ADAMTSL1: variants seen among roughly 807,000 people sequenced by gnomAD.
ADAMTSL1 encodes ADAMTS-like protein 1.
ADAMTSL1 carries 126 observed loss-of-function variants against 201.8 expected under a neutral mutation model. That is an observed-to-expected ratio of 0.62 (90% CI 0.54 to 0.72). The LOEUF is 0.72. Among genes scored for constraint, ADAMTSL1 ranks in the 30% least tolerant of loss-of-function variants. ADAMTSL1 has a pLI of 0.00. For synonymous variants in ADAMTSL1, 1,121 were observed against 903.4 expected (o/e 1.24, Z -4.32); for missense variants, 2,679 against 2,277.8 (o/e 1.18, Z -3.59).
At chr9:17,956,735 A>G (rs559742644) in intron 1 of ADAMTSL1, among the ~76,000 whole-genome samples, 6 of 152,284 alleles carry the variant, frequency 3.9e-5, no homozygotes, top group African/African-American at 7.2e-5. Flanking sequence ...AGCCATTTCA[A>G]TGGTAGAATG....
intron 2 of ADAMTSL1, among the ~76,000 whole-genome samples, chr9:18,441,951 A>T (rs972162802): frequency 6.6e-6 from 1 of 152,226 alleles, no homozygotes; most frequent in African/African-American, 2.4e-5. Flanking sequence ...TTTAATGCCA[A>T]ATGAAAACCC....
intron 1 of ADAMTSL1, among the ~76,000 whole-genome samples, chr9:17,982,505 A>G (rs1034101991): frequency 6.6e-6 from 1 of 152,092 alleles, no homozygotes; most frequent in African/African-American, 2.4e-5. Context: ...CCATCTACTC[A>G]GGAGGCTGAG....
chr9:18,641,208 A>G (rs1345057376), intron 7 of ADAMTSL1, among the ~76,000 whole-genome samples: 2 of 152,056 alleles, frequency 1.3e-5, no homozygotes, highest in Non-Finnish European at 2.9e-5. Flanking sequence ...TTCTTCTTCA[A>G]GATCTCCTCC....
At chr9:18,126,541 A>G (rs1001915157) in intron 1 of ADAMTSL1, among the ~76,000 whole-genome samples, 2 of 152,206 alleles carry the variant, frequency 1.3e-5, no homozygotes, top group Admixed American at 1.3e-4. Context: ...CACACGTGGC[A>G]GAGTGTCCAC....
At chr9:18,891,337 G>A (rs3866508) in intron 25 of ADAMTSL1, among the ~76,000 whole-genome samples, 100,802 of 152,102 alleles carry the variant, frequency 0.66, 34,209 homozygotes, top group African/African-American at 0.82. Context: ...TTTTTTAACC[G>A]TTTTGTTAGA....
intron 26 of ADAMTSL1, among the ~76,000 whole-genome samples, chr9:18,898,649 T>C (rs1455641688): frequency 1.3e-5 from 2 of 152,092 alleles, no homozygotes; most frequent in Non-Finnish European, 2.9e-5. Context: ...CCCTGGGATA[T>C]AAGGTTGGGT....
intron 1 of ADAMTSL1, among the ~76,000 whole-genome samples, chr9:18,148,387 G>A (rs567088904): frequency 6.6e-6 from 1 of 151,292 alleles, no homozygotes; most frequent in African/African-American, 2.4e-5. Context: ...AATTTATTTG[G>A]TAACTATAAA....
chr9:18,562,240 T>C (rs1183770118), intron 3 of ADAMTSL1, among the ~76,000 whole-genome samples: 1 of 152,242 alleles, frequency 6.6e-6, no homozygotes, highest in Non-Finnish European at 1.5e-5. Flanking sequence ...CTCTCAGCAT[T>C]TGCTTGTCTG....
chr9:18,478,628 G>A (rs1374629188), intron 1 of ADAMTSL1, among the ~76,000 whole-genome samples: 1 of 152,162 alleles, frequency 6.6e-6, no homozygotes, highest in African/African-American at 2.4e-5. Context: ...AGCTATGTAA[G>A]TTTAATTGTG....
At chr9:18,668,702 A>G (rs1829621497) in intron 9 of ADAMTSL1, among the ~76,000 whole-genome samples, 1 of 152,230 alleles carries the variant, frequency 6.6e-6, no homozygotes, top group Non-Finnish European at 1.5e-5. Context: ...TAAAGTCCTT[A>G]GTGAGGTGCC....
At chr9:18,416,369 A>G (rs1818676756) in intron 2 of ADAMTSL1, among the ~76,000 whole-genome samples, 1 of 151,042 alleles carries the variant, frequency 6.6e-6, no homozygotes, top group South Asian at 2.1e-4. Context: ...TAAAAAAGAG[A>G]TGAAATGGAA....
At chr9:18,789,888 A>G (rs1417932563) in intron 19 of ADAMTSL1, among the ~76,000 whole-genome samples, 2 of 152,252 alleles carry the variant, frequency 1.3e-5, no homozygotes, top group Admixed American at 6.5e-5. Context: ...TGTTCTACAA[A>G]GAAAGGATAC....
At chr9:18,439,603 G>T (rs1819907065) in intron 2 of ADAMTSL1, among the ~76,000 whole-genome samples, 1 of 152,202 alleles carries the variant, frequency 6.6e-6, no homozygotes, top group African/African-American at 2.4e-5. Context: ...CTGACCTCGT[G>T]ATCTGCCTGC....
At chr9:18,540,674 C>T (rs553838513) in intron 3 of ADAMTSL1, among the ~76,000 whole-genome samples, 6 of 152,230 alleles carry the variant, frequency 3.9e-5, no homozygotes, top group African/African-American at 1.4e-4. Context: ...TTTGGAAGAG[C>T]AGAAGGCTGA....
At chr9:18,125,823 A>G (rs535088644) in intron 1 of ADAMTSL1, among the ~76,000 whole-genome samples, 37 of 152,196 alleles carry the variant, frequency 2.4e-4, no homozygotes, top group Non-Finnish European at 4.1e-4. Context: ...TTTTTCTGCT[A>G]CTAAATTTCT....
intron 2 of ADAMTSL1, among the ~76,000 whole-genome samples, chr9:18,323,619 C>A (rs1189787951): frequency 6.6e-6 from 1 of 152,084 alleles, no homozygotes; most frequent in Non-Finnish European, 1.5e-5. Flanking sequence ...AAATCATCCA[C>A]AAAAACATTT....
intron 20 of ADAMTSL1, among the ~76,000 whole-genome samples, chr9:18,800,377 C>CAAAAAAAAAAAAAA (rs58346548): frequency 3.0e-4 from 18 of 60,670 alleles, no homozygotes; most frequent in South Asian, 1.6e-3. Context: ...AACTCCATCT[C>CAAAAAAAAAAAAAA]AAAAAAAAAA....
intron 1 of ADAMTSL1, among the ~76,000 whole-genome samples, chr9:17,923,082 C>T (rs1473386044): frequency 6.6e-6 from 1 of 152,172 alleles, no homozygotes; most frequent in East Asian, 1.9e-4. Flanking sequence ...TGTGATTCCT[C>T]CAGCTTTGTT....
chr9:18,499,244 A>C (rs1338197704), intron 1 of ADAMTSL1, among the ~76,000 whole-genome samples: 1 of 152,254 alleles, frequency 6.6e-6, no homozygotes, highest in Admixed American at 6.5e-5. Flanking sequence ...TCATCTGGGA[A>C]GGCGCATGCC....
Sources: allele counts gnomAD v4.1 joint callset (sites outside exome capture counted in the v4.1 genomes callset), GRCh38; gene constraint gnomAD v4.1.1; transcripts MANE v1.5; gene names NCBI Gene and HGNC (gene_info 2026-07-23, HGNC 2026-07-21).